DNAH7: variants seen among roughly 807,000 people sequenced by gnomAD.
DNAH7 encodes axonemal beta dynein heavy chain 7.
Under a neutral mutation model 444.6 loss-of-function variants are expected in DNAH7, and 397 were observed. That is an observed-to-expected ratio of 0.89 (90% CI 0.82 to 0.97). The LOEUF (loss-of-function observed/expected upper bound fraction) is 0.97. Ranked by LOEUF, DNAH7 falls within the 50% of genes least tolerant of loss-of-function variation. DNAH7 has a pLI of 0.00. For missense variants in DNAH7, 4,902 were observed against 4,800.8 expected (o/e 1.02, Z -0.62); for synonymous variants, 1,636 against 1,624.4 (o/e 1.01, Z -0.17).
At chr2:196,064,560 C>T (rs1422962554) in intron 1 of DNAH7, among the ~76,000 whole-genome samples, 3 of 152,072 alleles carry the variant, frequency 2.0e-5, no homozygotes, top group Admixed American at 6.5e-5. Flanking sequence ...TTCAACCCAA[C>T]TCTTTGCCAT....
chr2:195,989,341 T>A (rs1370529716), intron 12 of DNAH7, among the ~76,000 whole-genome samples: 1 of 152,160 alleles, frequency 6.6e-6, no homozygotes, highest in Non-Finnish European at 1.5e-5. Context: ...TACATCCTTG[T>A]CAACACATCA....
intron 47 of DNAH7, among the ~76,000 whole-genome samples, chr2:195,835,801 ACC>A (rs1698340027): frequency 6.6e-6 from 1 of 152,156 alleles, no homozygotes; most frequent in South Asian, 2.1e-4. Context: ...CCGAGATTGC[ACC>A]ACAGCACTCC....
intron 63 of DNAH7, among the ~76,000 whole-genome samples, chr2:195,747,111 TAAAG>T (rs1693465295): frequency 6.6e-6 from 1 of 151,428 alleles, no homozygotes; most frequent in South Asian, 2.1e-4. Flanking sequence ...GCAAGACTAA[TAAAG>T]AAGAAAAGAG....
At chr2:196,035,826 C>T (rs1465307797) in intron 5 of DNAH7, among the ~76,000 whole-genome samples, 3 of 152,106 alleles carry the variant, frequency 2.0e-5, no homozygotes, top group Non-Finnish European at 4.4e-5. Context: ...TACAGAAAAG[C>T]CTGTTGGCTC....
intron 54 of DNAH7, among the ~76,000 whole-genome samples, chr2:195,801,754 T>C (rs1358962120): frequency 2.0e-5 from 3 of 152,210 alleles, no homozygotes; most frequent in African/African-American, 7.2e-5. Flanking sequence ...TTATACAAGA[T>C]CTGTAAGTAA....
chr2:195,788,312 C>T (rs1379427204), intron 57 of DNAH7, among the ~76,000 whole-genome samples: 1 of 152,168 alleles, frequency 6.6e-6, no homozygotes, highest in African/African-American at 2.4e-5. Context: ...CTCCATCTTC[C>T]CCCAAGGGCA....
In DNAH7 at chr2:195,987,049, C is replaced by G. The variant is rs769289534; in HGVS notation, c.1754+17G>C. The G allele has an allele frequency of 2.4e-5, 38 of 1,557,890 alleles. No homozygotes were observed. Among genetic ancestry groups the G allele is most frequent in the Non-Finnish European group, 3.2e-5 (37 of 1,159,660 alleles). On this transcript the variant is annotated intron_variant, in intron 14 of 64. Transcript: ENST00000312428. ...ATCCCCTCCCAAAAAATAAAAAAAC[C>G]AGTATCACATAAATACCTTGTATTT...
At position 195,884,697 on chromosome 2, in the gene DNAH7, C is replaced by T. The variant is rs201751336; in HGVS notation, c.5651G>A (p.Arg1884Gln). 3.7e-5 allele frequency: 59 copies of T among 1,614,030 alleles called. No individual in the cohort carries two copies. The Middle Eastern group carries it at 8.2e-4, about 23-fold the overall frequency. ...RELMESPISD[R>Q]TRNTFKLQSG... is the part of the protein sequence containing the mutation. ...CTGTAATTTAAACGTATTTCGAGTT[C>T]GATCTGAAATTGGACTTTCCATTAG... The change falls in exon 35 of 65, where the codon CGA (arginine) becomes CAA (glutamine). Residue 1884 changes from arginine (R) to glutamine (Q), a missense_variant. Coordinates refer to ENST00000312428, the MANE Select transcript of DNAH7 (RefSeq NM_018897.3).
chr2:196,006,806 A>T (rs1252760108), intron 10 of DNAH7, among the ~76,000 whole-genome samples: 2 of 152,114 alleles, frequency 1.3e-5, no homozygotes. Context: ...TAGCATCAAG[A>T]AGAATACTTA....
At chr2:195,970,200 C>G in intron 16 of DNAH7, 106 bp from the exon 17 acceptor site, 1 of 1,049,430 alleles carries the variant, frequency 9.5e-7, no homozygotes, top group Non-Finnish European at 1.3e-6. Context: ...TATTTTGTCA[C>G]TGGTAAAACA....
intron 10 of DNAH7, among the ~76,000 whole-genome samples, chr2:196,011,281 A>T (rs1694714704): frequency 6.6e-6 from 1 of 152,176 alleles, no homozygotes; most frequent in Non-Finnish European, 1.5e-5. Flanking sequence ...TGTACCCTAT[A>T]TATGTACAAT....
At chr2:196,044,510 G>A (rs1696979929) in intron 5 of DNAH7, among the ~76,000 whole-genome samples, 1 of 152,034 alleles carries the variant, frequency 6.6e-6, no homozygotes, top group South Asian at 2.1e-4. Context: ...TTTAGATGAT[G>A]AGTGCACCAA....
chr2:195,994,201 T>G, intron 12 of DNAH7: 1 of 248,924 alleles, frequency 4.0e-6, no homozygotes. Context: ...TCTGGTCCCA[T>G]GATAAAAAAT....
At chr2:195,773,464 TA>T (rs55922883) in intron 60 of DNAH7, among the ~76,000 whole-genome samples, 33,946 of 146,220 alleles carry the variant, frequency 0.23, 5,221 homozygotes, top group African/African-American at 0.45. Context: ...TCAAAAAACG[TA>T]AAAAAAAAAA....
At chr2:195,753,301 G>T (rs975964252) in intron 63 of DNAH7, among the ~76,000 whole-genome samples, 2 of 152,060 alleles carry the variant, frequency 1.3e-5, no homozygotes, top group Non-Finnish European at 2.9e-5. Context: ...GTTTTGAGAG[G>T]AGGAAAGCAA....
At chr2:195,820,703 T>G (rs1697424241) in intron 49 of DNAH7, among the ~76,000 whole-genome samples, 1 of 152,154 alleles carries the variant, frequency 6.6e-6, no homozygotes, top group Non-Finnish European at 1.5e-5. Context: ...CAACTTAACC[T>G]AAATTGTAGC....
chr2:195,958,382 T>C lies in DNAH7; in HGVS notation c.2892-935A>G, dbSNP rs1574882979. ...CCTACTTTAAGAATATAGTATATAA[T>C]ACATGTAACATTCAAAGTATGTGTT... On this transcript the variant is annotated intron_variant, in intron 18 of 64. Coordinates refer to ENST00000312428, the MANE Select transcript of DNAH7 (RefSeq NM_018897.3). Among the ~76,000 whole-genome samples, 4 of 152,220 alleles carry C rather than the reference T, an allele frequency of 2.6e-5. No homozygotes were observed. In the East Asian group the frequency reaches 7.7e-4, roughly 29 times the overall value.
At chr2:195,797,155 T>C (rs568733673) in intron 55 of DNAH7, among the ~76,000 whole-genome samples, 22 of 152,376 alleles carry the variant, frequency 1.4e-4, no homozygotes, top group African/African-American at 5.3e-4. Flanking sequence ...AACTATATTT[T>C]AGTTACTTTG....
intron 21 of DNAH7, among the ~76,000 whole-genome samples, chr2:195,931,314 G>GGATA (rs1173623318): frequency 6.6e-6 from 1 of 152,060 alleles, no homozygotes; most frequent in East Asian, 1.9e-4. Context: ...TGTAGATTCT[G>GGATA]GATATTAGGC....
Sources: gnomAD v4.1 joint callset for allele counts (sites outside exome capture counted in the v4.1 genomes callset) on GRCh38, gnomAD v4.1.1 for gene constraint, MANE v1.5 for transcripts, NCBI Gene and HGNC (gene_info 2026-07-23, HGNC 2026-07-21) for gene names.